CCR3: variants seen among roughly 807,000 people sequenced by gnomAD.
CCR3 encodes C-C chemokine receptor type 3.
For missense variants in CCR3, 419 were observed against 437.5 expected, an observed-to-expected ratio of 0.96 and a Z score of 0.38; for synonymous variants, 203 against 179.2, an observed-to-expected ratio of 1.13 and a Z score of -1.06.
At chr3:46,215,176 T>C (rs571667540) in intron 2 of CCR3, among the ~76,000 whole-genome samples, 102 of 152,276 alleles carry the variant, frequency 6.7e-4, no homozygotes, top group South Asian at 1.5e-3. Context: ...TTACATCCAG[T>C]CTGAGTGCTC....
intron 1 of CCR3, among the ~76,000 whole-genome samples, chr3:46,262,499 T>C (rs189948100): frequency 6.6e-6 from 1 of 152,202 alleles, no homozygotes; most frequent in African/African-American, 2.4e-5. Context: ...CTTACTTATT[T>C]ACGATTACCC....
intron 2 of CCR3, among the ~76,000 whole-genome samples, chr3:46,217,185 C>T (rs187912757): frequency 1.9e-4 from 29 of 152,234 alleles, no homozygotes; most frequent in Admixed American, 2.0e-4. Context: ...TCAAAACAGA[C>T]TTAAAACCAA....
upstream of CCR3, among the ~76,000 whole-genome samples, chr3:46,240,492 G>C (rs769355838): frequency 9.2e-5 from 14 of 151,946 alleles, no homozygotes; most frequent in Admixed American, 9.2e-4. Context: ...TTCATCCCTC[G>C]GGCCCTTTCT....
intron 2 of CCR3, among the ~76,000 whole-genome samples, chr3:46,230,342 A>C (rs1035765601): frequency 2.0e-5 from 3 of 152,192 alleles, no homozygotes; most frequent in Non-Finnish European, 4.4e-5. Flanking sequence ...AATTTTGGAC[A>C]TGGGCCTCTG....
At chr3:46,248,834 G>A (rs1024218309) in intron 1 of CCR3, among the ~76,000 whole-genome samples, 1 of 152,186 alleles carries the variant, frequency 6.6e-6, no homozygotes, top group Non-Finnish European at 1.5e-5. Context: ...GAGGTATTGA[G>A]GATAGGAGGT....
At chr3:46,258,213 A>G (rs754130324) in intron 1 of CCR3, among the ~76,000 whole-genome samples, 5 of 152,236 alleles carry the variant, frequency 3.3e-5, no homozygotes, top group Non-Finnish European at 7.3e-5. Context: ...TTAAGTCCAC[A>G]GATCCACCCT....
intron 1 of CCR3, among the ~76,000 whole-genome samples, chr3:46,244,502 T>C (rs1452556502): frequency 2.6e-5 from 4 of 152,082 alleles, no homozygotes. Context: ...GGCCGTTTTA[T>C]AGGATTTGGG....
chr3:46,246,962 G>T (rs1700206293), intron 1 of CCR3, among the ~76,000 whole-genome samples: 1 of 151,980 alleles, frequency 6.6e-6, no homozygotes, highest in African/African-American at 2.4e-5. Flanking sequence ...CGTATAGAAT[G>T]ATTGGTGATG....
chr3:46,223,719 C>T (rs756494223), intron 2 of CCR3, among the ~76,000 whole-genome samples: 3 of 152,174 alleles, frequency 2.0e-5, no homozygotes, highest in African/African-American at 4.8e-5. Context: ...TCTGTTTTCC[C>T]TTTCAGCCTG....
intron 2 of CCR3, among the ~76,000 whole-genome samples, chr3:46,216,818 T>C (rs1699780641): frequency 6.6e-6 from 1 of 152,090 alleles, no homozygotes; most frequent in African/African-American, 2.4e-5. Context: ...AATTCACCAC[T>C]ACCAAGCCAG....
At chr3:46,244,339 A>G (rs1700151053) in intron 1 of CCR3, among the ~76,000 whole-genome samples, 1 of 152,368 alleles carries the variant, frequency 6.6e-6, no homozygotes, top group East Asian at 1.9e-4. Context: ...TTAAGGTATC[A>G]GAATACAAAA....
chr3:46,239,001 G>A (rs1349594866), upstream of CCR3, among the ~76,000 whole-genome samples: 1 of 152,140 alleles, frequency 6.6e-6, no homozygotes, highest in Admixed American at 6.5e-5. Flanking sequence ...AAAATGTCCT[G>A]TATTTGATTA....
chr3:46,265,037 C>T (rs777654445), intron 1 of CCR3, 111 bp from the exon 2 acceptor site: 46 of 690,164 alleles, frequency 6.7e-5, no homozygotes, highest in Admixed American at 1.4e-4. Context: ...AATCCCTAGG[C>T]TGCTATCACA....
chr3:46,234,688 C>G (rs953793266), intron 2 of CCR3, among the ~76,000 whole-genome samples: 1 of 152,214 alleles, frequency 6.6e-6, no homozygotes, highest in African/African-American at 2.4e-5. Flanking sequence ...CCATGAAGAT[C>G]TGAGTCACTG....
chr3:46,217,814 G>A (rs979552394), intron 2 of CCR3, among the ~76,000 whole-genome samples: 2 of 151,798 alleles, frequency 1.3e-5, no homozygotes, highest in African/African-American at 4.8e-5. Flanking sequence ...TACAGCAAAA[G>A]CGGTGCTAAG....
At chr3:46,219,457 C>G (rs965701967) in intron 2 of CCR3, among the ~76,000 whole-genome samples, 2 of 152,064 alleles carry the variant, frequency 1.3e-5, no homozygotes, top group African/African-American at 4.8e-5. Flanking sequence ...ATGTCATCAT[C>G]ATTCTTCACA....
chr3:46,256,296 A>G (rs1700422743), intron 1 of CCR3, among the ~76,000 whole-genome samples: 1 of 152,094 alleles, frequency 6.6e-6, no homozygotes, highest in Non-Finnish European at 1.5e-5. Context: ...AATCAGGATG[A>G]CTTCAGTCTT....
At chr3:46,256,951 G>GCACA (rs34816775) in intron 1 of CCR3, among the ~76,000 whole-genome samples, 1,865 of 150,392 alleles carry the variant, frequency 0.012, 47 homozygotes, top group African/African-American at 0.04. Flanking sequence ...TCACATTTGT[G>GCACA]CACACACACA....
At chr3:46,229,236 T>A (rs1048105253) in intron 2 of CCR3, among the ~76,000 whole-genome samples, 3 of 152,204 alleles carry the variant, frequency 2.0e-5, no homozygotes, top group Admixed American at 2.0e-4. Context: ...GTATATGTTG[T>A]GATCTCAGAT....
Sources: allele counts gnomAD v4.1 joint callset (sites outside exome capture counted in the v4.1 genomes callset), GRCh38; gene constraint gnomAD v4.1.1; transcripts MANE v1.5; gene names NCBI Gene and HGNC (gene_info 2026-07-23, HGNC 2026-07-21).